The following USH2A variants were observed in gnomAD, a reference collection of about 807,000 sequenced individuals.
USH2A encodes the protein usherin, also known as Usher syndrome 2A (autosomal recessive, mild).
Under a neutral mutation model 538.9 loss-of-function variants are expected in USH2A, and 443 were observed. The observed-to-expected ratio is 0.82, with a 90% CI of 0.76 to 0.89. The LOEUF is 0.89. Among genes scored for constraint, USH2A ranks in the 40% least tolerant of loss-of-function variants. The pLI is 0.00. For synonymous variants in USH2A, 2,413 were observed against 2,273.5 expected, an observed-to-expected ratio of 1.06 and a Z score of -1.75; for missense variants, 6,633 against 6,324.8, an observed-to-expected ratio of 1.05 and a Z score of -1.65.
intron 9 of USH2A, among the ~76,000 whole-genome samples, chr1:216,313,402 T>G (rs1292144618): frequency 6.6e-6 from 1 of 152,168 alleles, no homozygotes; most frequent in Non-Finnish European, 1.5e-5. Context: ...TACAAGTATT[T>G]CTCAGTAACT....
In USH2A at chr1:215,987,818, T is replaced by C. The variant is rs150279038; in HGVS notation, c.6805+5202A>G. Reference sequence around the variant, plus strand: ...CGTTCCACTGAACTGCAAGGAAAGATGTTTGCACCATATTGTGAAGTGAGA... The same window carrying C: ...CGTTCCACTGAACTGCAAGGAAAGACGTTTGCACCATATTGTGAAGTGAGA... On this transcript the variant is annotated intron_variant, in intron 35 of 71. Transcript: ENST00000307340. Among the ~76,000 whole-genome samples, 248 of 152,334 alleles carry C rather than the reference T, an allele frequency of 1.6e-3. 1 individual carries two copies. In the East Asian group the frequency reaches 0.023, roughly 14 times the overall value.
chr1:216,382,293 T>C (rs1280136725), intron 3 of USH2A, among the ~76,000 whole-genome samples: 1 of 152,056 alleles, frequency 6.6e-6, no homozygotes, highest in Non-Finnish European at 1.5e-5. Context: ...TTCCTGAAAA[T>C]GTTGATGCCA....
intron 63 of USH2A, 89 bp from the exon 64 acceptor site, chr1:215,671,382 A>C (rs1481977811): frequency 1.5e-6 from 2 of 1,318,016 alleles, no homozygotes; most frequent in East Asian, 2.4e-5. Flanking sequence ...TAAAAAAAAA[A>C]GACAAGCTTA....
At chr1:216,265,283 A>G (rs2036449934) in intron 11 of USH2A, among the ~76,000 whole-genome samples, 1 of 152,048 alleles carries the variant, frequency 6.6e-6, no homozygotes, top group Non-Finnish European at 1.5e-5. Context: ...AGACAAATGC[A>G]AACAAAAGCC....
chr1:216,323,330 A>G, intron 8 of USH2A, 144 bp downstream of exon 8: 3 of 604,014 alleles, frequency 5.0e-6, no homozygotes, highest in South Asian at 3.5e-5. Flanking sequence ...AAAGACTCAC[A>G]TACAGATCTT....
At chr1:215,796,678 T>G (rs1571695216) in intron 50 of USH2A, among the ~76,000 whole-genome samples, 2 of 152,106 alleles carry the variant, frequency 1.3e-5, no homozygotes, top group African/African-American at 4.8e-5. Flanking sequence ...AGCCTCTAAG[T>G]GTTCAAGTGA....
At chr1:215,681,085 T>C (rs1658212332) in intron 61 of USH2A, among the ~76,000 whole-genome samples, 1 of 152,146 alleles carries the variant, frequency 6.6e-6, no homozygotes, top group Non-Finnish European at 1.5e-5. Context: ...AATTTGGTCT[T>C]TGTTGCTTTA....
intron 64 of USH2A, among the ~76,000 whole-genome samples, chr1:215,667,217 C>T (rs1241185897): frequency 1.3e-5 from 2 of 152,166 alleles, no homozygotes; most frequent in Non-Finnish European, 2.9e-5. Context: ...TAGGGCATTC[C>T]ATATTGAAGT....
rs558894126 is a variant in USH2A, at chr1:216,108,509, T to C, written c.4628-11296A>G. 2.0e-5 allele frequency among the ~76,000 whole-genome samples: 3 copies of C among 152,096 alleles called. No homozygotes were observed. In the East Asian group the frequency reaches 5.8e-4, roughly 29 times the overall value. ...CTTGCATTTTTAGGTTGTTTCATCA[T>C]CAAATTTGAATATTTAGCAACAGTT... On this transcript the variant is annotated intron_variant, in intron 21 of 71. Coordinates refer to ENST00000307340, the MANE Select transcript of USH2A (RefSeq NM_206933.4).
At chr1:216,263,301 A>T (rs2036410960) in intron 11 of USH2A, among the ~76,000 whole-genome samples, 1 of 152,154 alleles carries the variant, frequency 6.6e-6, no homozygotes, top group Non-Finnish European at 1.5e-5. Context: ...CCTGATAGCA[A>T]AACCAAATAT....
In USH2A at chr1:215,674,519, C is replaced by T. The variant is rs1219505844; in HGVS notation, c.13392G>A (p.Trp4464Ter). The change falls in exon 63 of 72, where the codon TGG (tryptophan) becomes TGA (stop). Residue 4464 changes from tryptophan (W) to a stop codon, truncating the protein, a stop_gained. Coordinates refer to ENST00000307340, the MANE Select transcript of USH2A (RefSeq NM_206933.4). LOFTEE classifies it high-confidence loss of function. ...VTGSESIEIT[W>*]KPPRNPNGQI... The stretch of plus-strand genomic sequence containing the variant: ...GGCCATTTGGGTTTCTTGGAGGTTT[C>T]CAGGTGATTTCTATTGATTCTGAGC... 2 of 1,613,982 alleles carry T rather than the reference C, an allele frequency of 1.2e-6. No individual in the cohort carries two copies. The highest frequency in any genetic ancestry group is 1.7e-6 in the Non-Finnish European group (2 of 1,180,036).
chr1:216,403,908 G>A (rs2039348699), intron 3 of USH2A, among the ~76,000 whole-genome samples: 2 of 152,164 alleles, frequency 1.3e-5, no homozygotes, highest in Admixed American at 1.3e-4. Context: ...CTTAATAAGG[G>A]GATCTTTCCC....
chr1:215,957,677 G>A (rs1465587474), intron 37 of USH2A, among the ~76,000 whole-genome samples: 1 of 152,134 alleles, frequency 6.6e-6, no homozygotes, highest in Non-Finnish European at 1.5e-5. Flanking sequence ...TGGACGTTAT[G>A]TTCCCTTTTC....
chr1:216,164,064 G>T (rs2034120561), intron 21 of USH2A, among the ~76,000 whole-genome samples: 1 of 152,020 alleles, frequency 6.6e-6, no homozygotes, highest in Non-Finnish European at 1.5e-5. Flanking sequence ...TTTGATGCAT[G>T]ATTTCACTGC....
chr1:216,408,175 A>T (rs1416865361), intron 3 of USH2A, among the ~76,000 whole-genome samples: 2 of 152,158 alleles, frequency 1.3e-5, no homozygotes, highest in African/African-American at 4.8e-5. Flanking sequence ...GTAGGTCTTG[A>T]TTGGAAGTGT....
In USH2A at chr1:215,813,909, A is replaced by C; in HGVS notation, c.9571-5T>G. 1 of 1,613,618 alleles carries C rather than the reference A, an allele frequency of 6.2e-7. No individual in the cohort carries two copies. The highest frequency in any genetic ancestry group is 2.2e-5 in the East Asian group (1 of 44,824). The stretch of plus-strand genomic sequence containing the variant: ...GAGCACTCCGTTACAACAAACCTGA[A>C]AGTTTGAAAACAGTTTTAAAGAAAT... On this transcript the variant is annotated splice_region_variant and splice_polypyrimidine_tract_variant and intron_variant, in intron 48 of 71. Transcript: ENST00000307340.
In USH2A at chr1:216,360,395, G is replaced by T. The variant is rs1366091597; in HGVS notation, c.784+4558C>A. 2.0e-5 allele frequency among the ~76,000 whole-genome samples: 3 copies of T among 152,160 alleles called. No homozygotes were observed. In the South Asian group the frequency reaches 6.2e-4, roughly 32 times the overall value. On this transcript the variant is annotated intron_variant, in intron 4 of 71. Transcript: ENST00000307340. ...GTGAAAAGATCAGTGATTGCTAGGG[G>T]TTAGGATAGAGATAAGGATGAATAT...
intron 51 of USH2A, among the ~76,000 whole-genome samples, chr1:215,787,600 T>C (rs1471573087): frequency 2.0e-5 from 3 of 152,220 alleles, no homozygotes; most frequent in African/African-American, 7.2e-5. Flanking sequence ...AGTTTTATAA[T>C]GTGGAGATCT....
chr1:215,749,422 A>G (rs948908190), intron 58 of USH2A, among the ~76,000 whole-genome samples: 2 of 152,184 alleles, frequency 1.3e-5, no homozygotes, highest in Non-Finnish European at 2.9e-5. Flanking sequence ...ACATATACCT[A>G]TGAGGTGCTG....
Sources: allele counts gnomAD v4.1 joint callset (sites outside exome capture counted in the v4.1 genomes callset), GRCh38; gene constraint gnomAD v4.1.1; transcripts MANE v1.5; gene names NCBI Gene and HGNC (gene_info 2026-07-23, HGNC 2026-07-21).